The following NUBPL variants were observed in gnomAD, a reference collection of about 807,000 sequenced individuals.
The protein encoded by NUBPL is iron-sulfur cluster transfer protein NUBPL.
Under a neutral mutation model 45.7 loss-of-function variants are expected in NUBPL, and 31 were observed. The ratio of observed to expected loss-of-function variants is 0.68; its 90% confidence interval spans 0.51 to 0.92. The LOEUF (loss-of-function observed/expected upper bound fraction) is 0.92. NUBPL is among the 40% of genes least tolerant of loss of function. The pLI is 0.00. For missense variants in NUBPL, 401 were observed against 398.7 expected, an observed-to-expected ratio of 1.01 and a Z score of -0.05; for synonymous variants, 144 against 140.9, an observed-to-expected ratio of 1.02 and a Z score of -0.15.
At chr14:31,668,282 A>T (rs2036486733) in intron 4 of NUBPL, among the ~76,000 whole-genome samples, 1 of 152,202 alleles carries the variant, frequency 6.6e-6, no homozygotes, top group Non-Finnish European at 1.5e-5. Context: ...CTAGAGAGGC[A>T]GTCTGCCCAT....
chr14:31,585,265 A>G (rs1323445210), intron 3 of NUBPL, among the ~76,000 whole-genome samples: 3 of 152,170 alleles, frequency 2.0e-5, no homozygotes. Flanking sequence ...AAATCTTATA[A>G]TGCTTTAAGA....
chr14:31,637,520 G>T (rs1300528102), intron 4 of NUBPL, among the ~76,000 whole-genome samples: 1 of 152,158 alleles, frequency 6.6e-6, no homozygotes, highest in African/African-American at 2.4e-5. Flanking sequence ...TATGTGGTCA[G>T]TGTTGGAATA....
intron 6 of NUBPL, among the ~76,000 whole-genome samples, chr14:31,767,263 C>T (rs1448528134): frequency 2.6e-5 from 4 of 152,114 alleles, no homozygotes; most frequent in South Asian, 2.1e-4. Flanking sequence ...AGTGCAGTGG[C>T]GCGATCTCGG....
intron 4 of NUBPL, among the ~76,000 whole-genome samples, chr14:31,628,178 C>A (rs2035255992): frequency 6.6e-6 from 1 of 152,092 alleles, no homozygotes; most frequent in Admixed American, 6.6e-5. Context: ...TTATACTACA[C>A]CAAAATTTGG....
chr14:31,838,400 A>G (rs1419085157), intron 8 of NUBPL, among the ~76,000 whole-genome samples: 1 of 152,114 alleles, frequency 6.6e-6, no homozygotes, highest in African/African-American at 2.4e-5. Context: ...TATTTGTGGT[A>G]TAGTCATTAT....
chr14:31,656,424 C>T (rs982804122), intron 4 of NUBPL, among the ~76,000 whole-genome samples: 9 of 152,278 alleles, frequency 5.9e-5, no homozygotes, highest in African/African-American at 2.2e-4. Flanking sequence ...TGGTTTTTGA[C>T]ACAATTTCCT....
intron 4 of NUBPL, among the ~76,000 whole-genome samples, chr14:31,656,661 C>T (rs1213424583): frequency 6.6e-6 from 1 of 152,116 alleles, no homozygotes; most frequent in African/African-American, 2.4e-5. Flanking sequence ...AGGTTTGCAT[C>T]TTATGTGGGT....
intron 4 of NUBPL, among the ~76,000 whole-genome samples, chr14:31,615,696 T>C (rs757719322): frequency 2.0e-5 from 3 of 152,236 alleles, no homozygotes; most frequent in Admixed American, 6.5e-5. Flanking sequence ...CAGTCCATCA[T>C]TGATGGGCAT....
intron 3 of NUBPL, among the ~76,000 whole-genome samples, chr14:31,580,289 A>G (rs918038752): frequency 1.3e-5 from 2 of 152,208 alleles, no homozygotes; most frequent in Non-Finnish European, 2.9e-5. Flanking sequence ...AGGTGGTTAT[A>G]ATGGTTACAA....
chr14:31,786,295 G>A (rs374548923), intron 6 of NUBPL, among the ~76,000 whole-genome samples: 20 of 152,312 alleles, frequency 1.3e-4, no homozygotes, highest in South Asian at 1.0e-3. Context: ...GTCTTTGCAT[G>A]TGTTCATTTA....
intron 7 of NUBPL, among the ~76,000 whole-genome samples, chr14:31,798,777 G>GC (rs2039521206): frequency 1.0e-5 from 1 of 97,204 alleles, no homozygotes; most frequent in Admixed American, 1.8e-4. Flanking sequence ...GGGTGACAGA[G>GC]CAAGACTCCG....
chr14:31,709,753 C>T (rs1457328897), intron 6 of NUBPL, among the ~76,000 whole-genome samples: 2 of 152,138 alleles, frequency 1.3e-5, no homozygotes, highest in Non-Finnish European at 2.9e-5. Context: ...GGCCAAATTC[C>T]CCTCCCCCTA....
intron 6 of NUBPL, among the ~76,000 whole-genome samples, chr14:31,683,178 A>C (rs1014853036): frequency 2.0e-5 from 3 of 151,844 alleles, no homozygotes; most frequent in Non-Finnish European, 4.4e-5. Context: ...TACAATTTCA[A>C]CATGAGGTTT....
chr14:31,580,278 T>C (rs1219540177), intron 3 of NUBPL, among the ~76,000 whole-genome samples: 1 of 152,184 alleles, frequency 6.6e-6, no homozygotes, highest in African/African-American at 2.4e-5. Flanking sequence ...CATATACTTT[T>C]AGGTGGTTAT....
At chr14:31,758,212 C>T (rs1057080757) in intron 6 of NUBPL, among the ~76,000 whole-genome samples, 1 of 152,122 alleles carries the variant, frequency 6.6e-6, no homozygotes, top group Non-Finnish European at 1.5e-5. Flanking sequence ...TGCAGTACTT[C>T]AAACAAGTAC....
intron 7 of NUBPL, among the ~76,000 whole-genome samples, chr14:31,812,218 G>A (rs111637850): frequency 2.3e-4 from 35 of 152,292 alleles, no homozygotes; most frequent in South Asian, 6.2e-4. Flanking sequence ...TTTCTGCTGC[G>A]TTTTGTTCAG....
At position 31,561,693 on chromosome 14, in the gene NUBPL, C is replaced by G. The variant is rs984145167; in HGVS notation, c.108+146C>G. The G allele has an allele frequency of 4.9e-5, 29 of 589,750 alleles. No individual in the cohort carries two copies. The South Asian group carries it at 7.5e-4, about 15-fold the overall frequency. The allele number at this position is 589,750 out of a possible 1,614,324, so 36.5% of individuals were successfully genotyped here. A position where few individuals can be genotyped will look rare whatever the true frequency, so the allele number is the denominator to read the frequency against. ...TGGACGTGCCTACTTTTCAGGCAGG[C>G]CCAGGCTGAGGCGTGGCGGGACTTG... On this transcript the variant is annotated intron_variant, in intron 1 of 10. Transcript: ENST00000281081.
At chr14:31,651,567 T>C (rs1157660771) in intron 4 of NUBPL, among the ~76,000 whole-genome samples, 1 of 152,158 alleles carries the variant, frequency 6.6e-6, no homozygotes, top group Non-Finnish European at 1.5e-5. Flanking sequence ...ATCCAAAATA[T>C]TTAAGAAACT....
chr14:31,843,494 A>G (rs2040407004), intron 8 of NUBPL, among the ~76,000 whole-genome samples: 1 of 152,216 alleles, frequency 6.6e-6, no homozygotes, highest in Non-Finnish European at 1.5e-5. Context: ...CTGAGTAATG[A>G]GTCAACTACA....
Sources: gnomAD v4.1 joint callset for allele counts (sites outside exome capture counted in the v4.1 genomes callset) on GRCh38, gnomAD v4.1.1 for gene constraint, MANE v1.5 for transcripts, NCBI Gene and HGNC (gene_info 2026-07-23, HGNC 2026-07-21) for gene names.